Variants in ANKFN1 observed in about 807,000 individuals in gnomAD.
ANKFN1 encodes the protein ankyrin repeat and fibronectin type III domain containing 1, also known as ankyrin repeat and fibronectin type-III domain-containing protein 1.
In ANKFN1, 74 loss-of-function variants were observed where a neutral mutation model predicts 108.7. That is an observed-to-expected ratio of 0.68 (90% confidence interval 0.56 to 0.83). The LOEUF (loss-of-function observed/expected upper bound fraction) is 0.83, where lower values mean the gene tolerates loss of function less well. Ranked by LOEUF, ANKFN1 falls within the 40% of genes least tolerant of loss-of-function variation. The probability of loss-of-function intolerance (pLI) is 0.00; values close to 1 mark genes in which losing one functional copy is unlikely to be tolerated. For missense variants in ANKFN1, 1,505 were observed against 1,382.3 expected, an observed-to-expected ratio of 1.09 and a Z score of -1.41; for synonymous variants, 547 against 516.2, an observed-to-expected ratio of 1.06 and a Z score of -0.81.
At chr17:56,096,108 G>A (rs1234640770) in intron 4 of ANKFN1, among the ~76,000 whole-genome samples, 1 of 152,130 alleles carries the variant, frequency 6.6e-6, no homozygotes, top group Non-Finnish European at 1.5e-5. Context: ...AGAATTTATG[G>A]ACAGGTCCTG....
rs1257864784 is a variant in ANKFN1, at chr17:56,515,187, T to C, written c.*3918T>C. 3.9e-5 allele frequency among the ~76,000 whole-genome samples: 6 copies of C among 152,244 alleles called. No individual in the cohort carries two copies. The highest frequency in any genetic ancestry group is 2.1e-4 in the South Asian group (1 of 4,814). On this transcript the variant is annotated 3_prime_UTR_variant, in exon 21 of 21. Transcript: ENST00000682825. ...AAATGTACACATGTTAGGAAGGTGA[T>C]GACATTTTTCTACAGCTCTCTCAAC... is the stretch of plus-strand genomic sequence containing the variant.
rs2051919080 is a variant in ANKFN1, at chr17:56,516,432, A to C, written c.*5163A>C. 6.6e-6 allele frequency among the ~76,000 whole-genome samples: 1 copy of C among 152,118 alleles called. No individual in the cohort carries two copies. Among genetic ancestry groups the C allele is most frequent in the Admixed American group, 6.6e-5 (1 of 15,254 alleles). ...ACTTGTTCAGAATTTATTGTGTCTTATTGCTATGTATGCAACTGAGTGTAT... is the reference window on the plus strand; with the variant it reads ...ACTTGTTCAGAATTTATTGTGTCTTCTTGCTATGTATGCAACTGAGTGTAT... On this transcript the variant is annotated 3_prime_UTR_variant, in exon 21 of 21. Coordinates refer to ENST00000682825, the MANE Select transcript of ANKFN1 (RefSeq NM_001370326.1).
intron 17 of ANKFN1, among the ~76,000 whole-genome samples, chr17:56,481,855 G>A (rs150538250): frequency 2.6e-5 from 4 of 152,224 alleles, no homozygotes; most frequent in African/African-American, 9.6e-5. Context: ...CTTGGACTTA[G>A]CAGGTTTGAA....
chr17:56,058,580 T>C (rs916271304), intron 4 of ANKFN1, among the ~76,000 whole-genome samples: 11 of 151,926 alleles, frequency 7.2e-5, no homozygotes, highest in Admixed American at 5.9e-4. Context: ...CTAAGTTCCC[T>C]CCCCTTGCCC....
chr17:56,101,782 A>T (rs1002166080), intron 4 of ANKFN1, among the ~76,000 whole-genome samples: 16 of 152,160 alleles, frequency 1.1e-4, no homozygotes, highest in African/African-American at 3.4e-4. Context: ...ATAGTTTGAG[A>T]AGCACATGTT....
chr17:56,418,910 T>C (rs2048318073), intron 8 of ANKFN1, among the ~76,000 whole-genome samples: 1 of 151,804 alleles, frequency 6.6e-6, no homozygotes, highest in African/African-American at 2.4e-5. Context: ...AGAACTGAGG[T>C]GAGATTTCTT....
chr17:56,466,809 C>T (rs1598660251), intron 15 of ANKFN1, among the ~76,000 whole-genome samples: 2 of 152,106 alleles, frequency 1.3e-5, no homozygotes, highest in Non-Finnish European at 1.5e-5. Flanking sequence ...GCCAATGAGC[C>T]AGTAAGAAAC....
intron 3 of ANKFN1, among the ~76,000 whole-genome samples, chr17:56,294,043 G>A (rs951867676): frequency 6.6e-6 from 1 of 152,164 alleles, no homozygotes; most frequent in South Asian, 2.1e-4. Context: ...TAAATTTCGG[G>A]TTCTGTTTTC....
At chr17:56,059,484 T>C (rs1433500880) in intron 4 of ANKFN1, among the ~76,000 whole-genome samples, 2 of 152,160 alleles carry the variant, frequency 1.3e-5, no homozygotes, top group Non-Finnish European at 2.9e-5. Flanking sequence ...GCTTTTGATG[T>C]TTTTTGTCAT....
At chr17:56,374,544 C>T (rs914952107) in intron 7 of ANKFN1, 57 bp from the exon 8 acceptor site, 51 of 1,278,400 alleles carry the variant, frequency 4.0e-5, no homozygotes, top group South Asian at 2.6e-4. Context: ...GAGGGAGGAA[C>T]GTTGTTTGAA....
intron 3 of ANKFN1, among the ~76,000 whole-genome samples, chr17:56,309,776 C>G (rs546024650): frequency 1.3e-5 from 2 of 152,212 alleles, no homozygotes; most frequent in South Asian, 4.2e-4. Flanking sequence ...ACAACAATAA[C>G]TAATAATAAA....
chr17:56,047,148 G>A (rs138071036), intron 4 of ANKFN1, among the ~76,000 whole-genome samples: 31 of 152,250 alleles, frequency 2.0e-4, no homozygotes, highest in African/African-American at 5.8e-4. Context: ...GGTAATGGTC[G>A]TTACTAATGC....
intron 3 of ANKFN1, among the ~76,000 whole-genome samples, chr17:56,297,720 C>G (rs1041132543): frequency 1.3e-5 from 2 of 152,100 alleles, no homozygotes; most frequent in South Asian, 4.1e-4. Flanking sequence ...TGCAAAATAA[C>G]CATAAGAAGT....
At chr17:56,194,739 A>C (rs1176682260) in intron 1 of ANKFN1, among the ~76,000 whole-genome samples, 1 of 152,176 alleles carries the variant, frequency 6.6e-6, no homozygotes, top group Admixed American at 6.5e-5. Context: ...TAAACTGTAA[A>C]CTTTGGGTGA....
intron 6 of ANKFN1, among the ~76,000 whole-genome samples, chr17:56,355,532 AG>A (rs907630882): frequency 1.3e-5 from 2 of 152,216 alleles, no homozygotes; most frequent in African/African-American, 4.8e-5. Context: ...GACCATGGTC[AG>A]TGTTCAACTT....
At chr17:56,447,457 T>C (rs1035645427) in intron 10 of ANKFN1, among the ~76,000 whole-genome samples, 2 of 152,172 alleles carry the variant, frequency 1.3e-5, no homozygotes, top group African/African-American at 4.8e-5. Context: ...GTCCATGGTA[T>C]ATGAAATGAG....
At chr17:56,124,152 G>A (rs1217740788) in intron 4 of ANKFN1, among the ~76,000 whole-genome samples, 1 of 152,138 alleles carries the variant, frequency 6.6e-6, no homozygotes, top group Non-Finnish European at 1.5e-5. Context: ...GGTCTGGGAC[G>A]GGGGCTGAGA....
At chr17:56,279,736 G>A (rs749812329) in intron 3 of ANKFN1, among the ~76,000 whole-genome samples, 20 of 152,290 alleles carry the variant, frequency 1.3e-4, no homozygotes, top group Non-Finnish European at 2.6e-4. Context: ...AGTGGTTGTT[G>A]ATTTTTAAGG....
rs148363998 is a variant in ANKFN1, at chr17:56,308,529, T to C, written c.54-17692T>C. Among the ~76,000 whole-genome samples, 135 of 152,316 alleles carry C rather than the reference T, an allele frequency of 8.9e-4. 2 individuals carry two copies. The highest frequency in any genetic ancestry group is 3.1e-3 in the African/African-American group (130 of 41,570). On this transcript the variant is annotated intron_variant, in intron 3 of 20. Transcript: ENST00000682825. ...TTTATTTTTTCATGCCAGTGATTTT[T>C]TTCTAGTGAGCATTTCAATAAAATG... is the stretch of plus-strand genomic sequence containing the variant.
Sources: gnomAD v4.1 joint callset for allele counts (sites outside exome capture counted in the v4.1 genomes callset) on GRCh38, gnomAD v4.1.1 for gene constraint, MANE v1.5 for transcripts, NCBI Gene and HGNC (gene_info 2026-07-23, HGNC 2026-07-21) for gene names.